The following DLAT variants were observed in gnomAD, a reference collection of about 807,000 sequenced individuals.
DLAT encodes the protein dihydrolipoyllysine-residue acetyltransferase component of pyruvate dehydrogenase complex, mitochondrial.
Under a neutral mutation model 68.0 loss-of-function variants are expected in DLAT, and 43 were observed. The observed-to-expected ratio is 0.63, with a 90% CI of 0.50 to 0.81. DLAT has a LOEUF of 0.81. Ranked by LOEUF, DLAT falls within the 40% of genes least tolerant of loss-of-function variation. The pLI is 0.00. For missense variants in DLAT, 745 were observed against 815.4 expected (o/e 0.91, Z 1.05); for synonymous variants, 265 against 288.6 (o/e 0.92, Z 0.83).
Position 112,025,764 on chromosome 11 carries a change from C to T in DLAT, c.279+13C>T, listed in dbSNP as rs187974706. 12 of 1,612,672 alleles carry T rather than the reference C, an allele frequency of 7.4e-6. No homozygotes were observed. The African/African-American group carries it at 9.3e-5, about 13-fold the overall frequency. On this transcript the variant is annotated intron_variant, in intron 1 of 13. Coordinates refer to ENST00000280346, the MANE Select transcript of DLAT (RefSeq NM_001931.5). ...CCCGCATCAGAAGGTGAGCCCTAGA[C>T]CCCCCTTCTCGGGACCCCGTTGTCC...
chr11:112,062,603 A>G lies in DLAT; in HGVS notation c.*68A>G. ...ATTCTTAACAAGATATTTATATGTT[A>G]TTAAACAGGTGGTTCTTTTTATTTT... On this transcript the variant is annotated 3_prime_UTR_variant, in exon 14 of 14. Transcript: ENST00000280346. 2 of 1,535,530 alleles carry G rather than the reference A, an allele frequency of 1.3e-6. No homozygotes were observed. Among genetic ancestry groups the G allele is most frequent in the Non-Finnish European group, 1.8e-6 (2 of 1,115,458 alleles).
intron 10 of DLAT, among the ~76,000 whole-genome samples, chr11:112,049,698 CT>C (rs1261962582): frequency 3.5e-4 from 53 of 151,520 alleles, no homozygotes; most frequent in East Asian, 1.9e-3. Context: ...CTATATTGAT[CT>C]TTTTTTTCAT....
intron 5 of DLAT, chr11:112,036,741 C>G (rs1216715359): frequency 6.5e-6 from 1 of 153,020 alleles, no homozygotes; most frequent in Non-Finnish European, 1.5e-5. Flanking sequence ...CATTGAAATA[C>G]TTGGTATAAT....
At chr11:112,060,158 ATTTTTTTTT>A (rs782188808) in intron 12 of DLAT, 93 bp downstream of exon 12, 16 of 568,676 alleles carry the variant, frequency 2.8e-5, no homozygotes, top group Admixed American at 3.7e-5. Flanking sequence ...CTGTCACGTA[ATTTTTTTTT>A]TTTTTTTTTT....
chr11:112,039,487 G>A (rs968830151), intron 7 of DLAT, 90 bp downstream of exon 7: 18 of 1,323,486 alleles, frequency 1.4e-5, no homozygotes, highest in South Asian at 4.8e-5. Context: ...ATGTATAGCC[G>A]TACTTATAAT....
chr11:112,029,795 A>G, intron 4 of DLAT: 1 of 510,308 alleles, frequency 2.0e-6, no homozygotes, highest in Non-Finnish European at 3.8e-6. Context: ...ACTCAAGAAC[A>G]CCACCAAGAA....
At chr11:112,043,574 C>A in intron 8 of DLAT, 41 bp downstream of exon 8, 1 of 1,503,626 alleles carries the variant, frequency 6.7e-7, no homozygotes, top group Non-Finnish European at 9.3e-7. Flanking sequence ...CAGTTTGTCT[C>A]TACAGCCTGT....
chr11:112,036,201 G>GTTTTTTTTTTTTTTTTTTTTT lies in DLAT; in HGVS notation c.788-1063_788-1043dup, dbSNP rs1167345612. Among the ~76,000 whole-genome samples the GTTTTTTTTTTTTTTTTTTTTT allele has an allele frequency of 5.5e-5, 2 of 36,482 alleles. 1 individual carries two copies. Among genetic ancestry groups the GTTTTTTTTTTTTTTTTTTTTT allele is most frequent in the African/African-American group, 1.8e-4 (2 of 11,064 alleles). The allele number at this position is 36,482 out of a possible 152,430, so 23.9% of individuals were successfully genotyped here. On this transcript the variant is annotated intron_variant, in intron 5 of 13. Transcript: ENST00000280346. The stretch of plus-strand genomic sequence containing the variant: ...TGTGTGTGTGTGTGTGTGTGTGTGT[G>GTTTTTTTTTTTTTTTTTTTTT]TTTTTTTTTTTTTTTTTTTTTTTTT...
chr11:112,035,096 C>T (rs1475191702), intron 5 of DLAT, among the ~76,000 whole-genome samples: 1 of 152,122 alleles, frequency 6.6e-6, no homozygotes, highest in Non-Finnish European at 1.5e-5. Flanking sequence ...ATAATCACCA[C>T]CAAAGGGAAG....
At chr11:112,052,495 A>T (rs908685887) in intron 11 of DLAT, among the ~76,000 whole-genome samples, 1 of 152,166 alleles carries the variant, frequency 6.6e-6, no homozygotes, top group Non-Finnish European at 1.5e-5. Context: ...TTGGGGAAAC[A>T]CTTTATGTTT....
chr11:112,061,971 A>G (rs1864658876), intron 13 of DLAT, among the ~76,000 whole-genome samples: 1 of 152,206 alleles, frequency 6.6e-6, no homozygotes, highest in African/African-American at 2.4e-5. Flanking sequence ...AAATTCTTCA[A>G]GGCAGCAACT....
chr11:112,025,628 T>A lies in DLAT; in HGVS notation c.156T>A (p.Tyr52Ter). The change falls in exon 1 of 14, where the codon TAT (tyrosine) becomes TAA (stop). Residue 52 changes from tyrosine (Y) to a stop codon, truncating the protein, a stop_gained. Coordinates refer to ENST00000280346, the MANE Select transcript of DLAT (RefSeq NM_001931.5). LOFTEE classifies it high-confidence loss of function. ...PARRNSVTTG[Y>*]GGVRALCGWT... ...GTCGCAACAGCGTGACTACAGGGTA[T>A]GGCGGGGTCCGGGCACTGTGCGGCT... 6.2e-7 allele frequency: 1 copy of A among 1,613,618 alleles called. No individual in the cohort carries two copies. Among genetic ancestry groups the A allele is most frequent in the Non-Finnish European group, 8.5e-7 (1 of 1,179,984 alleles).
At chr11:112,029,084 G>T in intron 4 of DLAT, 139 bp downstream of exon 4, 5 of 948,650 alleles carry the variant, frequency 5.3e-6, no homozygotes, top group Non-Finnish European at 6.5e-6. Context: ...GTTTAAACAT[G>T]AAGATTGACA....
At position 112,062,648 on chromosome 11, in the gene DLAT, T is replaced by A; in HGVS notation, c.*113T>A. ...TATTTTAACCAGTTATTTTTATTAT[T>A]GAGTCTGTCCAGATAAGTTATTTAT... On this transcript the variant is annotated 3_prime_UTR_variant, in exon 14 of 14. Coordinates refer to ENST00000280346, the MANE Select transcript of DLAT (RefSeq NM_001931.5). 1.6e-6 allele frequency: 2 copies of A among 1,269,584 alleles called. No individual in the cohort carries two copies. Among genetic ancestry groups the A allele is most frequent in the Non-Finnish European group, 2.2e-6 (2 of 901,526 alleles). 78.6% of individuals were successfully genotyped at this position (1,269,584 alleles called of 1,614,324 possible).
In DLAT at chr11:112,060,052, C is replaced by A. The variant is rs1864460439; in HGVS notation, c.1664C>A (p.Pro555Gln). 1 of 1,613,580 alleles carries A rather than the reference C, an allele frequency of 6.2e-7. No individual in the cohort carries two copies. The highest frequency in any genetic ancestry group is 1.7e-5 in the Admixed American group (1 of 59,976). The change falls in exon 12 of 14, where the codon CCA becomes CAA. Residue 555 changes from proline (P) to glutamine (Q), a missense_variant. Coordinates refer to ENST00000280346, the MANE Select transcript of DLAT (RefSeq NM_001931.5). ...AAAGCAAGAGAGGGTAAACTACAGC[C>A]ACATGAATTCCAGGTAGGGTATTAA... ...ATKAREGKLQ[P>Q]HEFQGGTFTI... is the part of the protein sequence containing the mutation.
chr11:112,039,357 G>A lies in DLAT; in HGVS notation c.1089G>A (p.Lys363=), dbSNP rs1566620886. Residue 363 remains lysine, a synonymous_variant, in exon 7 of 14, where the codon AAG becomes AAA. Transcript: ENST00000280346. ...TGTTTGTTAGCCCTCTTGCAAAGAA[G>A]TTGGCAGTAGAGAAAGGGATTGATC... ...GRVFVSPLAK[K]LAVEKGIDLT... The A allele has an allele frequency of 6.2e-7, 1 of 1,614,120 alleles. No homozygotes were observed.
rs782149548 is a variant in DLAT at position 112,026,183 on chromosome 11, C to T, written c.280-15C>T. 17 of 1,594,474 alleles carry T rather than the reference C, an allele frequency of 1.1e-5. No homozygotes were observed. In the South Asian group the frequency reaches 1.3e-4, roughly 13 times the overall value. ...GTCCTTAAAAATTTTAATGTTTCTT[C>T]TTTTCCTTTTCCAGGTTCCATTGCC... is the stretch of plus-strand genomic sequence containing the variant. On this transcript the variant is annotated splice_polypyrimidine_tract_variant and intron_variant, in intron 1 of 13. Coordinates refer to ENST00000280346, the MANE Select transcript of DLAT (RefSeq NM_001931.5).
chr11:112,050,933 C>T (rs1046373397), intron 10 of DLAT, among the ~76,000 whole-genome samples: 1 of 152,198 alleles, frequency 6.6e-6, no homozygotes, highest in African/African-American at 2.4e-5. Flanking sequence ...TCATTTCTTT[C>T]TTTCCACCTC....
intron 5 of DLAT, among the ~76,000 whole-genome samples, chr11:112,035,689 A>G (rs1447293490): frequency 6.7e-6 from 1 of 149,834 alleles, no homozygotes; most frequent in Admixed American, 6.7e-5. Context: ...TGGTTTCACT[A>G]TGTGGGCCAG....
Sources: gnomAD v4.1 joint callset for allele counts (sites outside exome capture counted in the v4.1 genomes callset) on GRCh38, gnomAD v4.1.1 for gene constraint, MANE v1.5 for transcripts, NCBI Gene and HGNC (gene_info 2026-07-23, HGNC 2026-07-21) for gene names.